Variants in BCS1L observed in about 807,000 individuals in gnomAD.
The protein encoded by BCS1L is BCS1 ubiquinol-cytochrome c reductase complex chaperone.
In BCS1L, 38 loss-of-function variants were observed where a neutral mutation model predicts 49.3. That is an observed-to-expected ratio of 0.77 (90% CI 0.59 to 1.01). The LOEUF (loss-of-function observed/expected upper bound fraction) is 1.01. Ranked by LOEUF, BCS1L falls within the 50% of genes least tolerant of loss-of-function variation. BCS1L has a pLI of 0.00. For missense variants in BCS1L, 394 were observed against 540.2 expected (o/e 0.73, Z 2.68); for synonymous variants, 193 against 210.1 (o/e 0.92, Z 0.70).
intron 1 of BCS1L, 110 bp from the exon 2 acceptor site, chr2:218,660,829 C>T (rs1939296326): frequency 1.3e-6 from 1 of 744,884 alleles, no homozygotes; most frequent in East Asian, 2.7e-5. Flanking sequence ...ACCCTTACCC[C>T]ACAAAAGGAG....
Position 218,659,748 on chromosome 2 carries a change from G to C in BCS1L, c.-50+5G>C, listed in dbSNP as rs1939106339. ...GAGGGCCAGAGAGTCACGGCGGTGAGAGGGCTGAGTGACGGGTTACCCCAA... is the reference window on the plus strand; with the variant it reads ...GAGGGCCAGAGAGTCACGGCGGTGACAGGGCTGAGTGACGGGTTACCCCAA... On this transcript the variant is annotated splice_donor_5th_base_variant and intron_variant, in intron 1 of 7. Transcript: ENST00000359273. The surrounding 1 kb of genome is among the most constrained non-coding windows in gnomAD (Gnocchi z 4.4). 6.6e-6 allele frequency: 1 copy of C among 152,286 alleles called. No individual in the cohort carries two copies. The allele number at this position is 152,286 out of a possible 1,614,324, so 9.4% of individuals were successfully genotyped here. A position where few individuals can be genotyped will look rare whatever the true frequency, so the allele number is the denominator to read the frequency against.
rs759535937 is a variant in BCS1L at position 218,663,340 on chromosome 2, A to G, written c.1214A>G (p.Asn405Ser). 3.1e-6 allele frequency: 5 copies of G among 1,614,194 alleles called. No individual in the cohort carries two copies. The South Asian group carries it at 4.4e-5, about 14-fold the overall frequency. ...QVQGYFMLYK[N>S]DPVGAIHNAE... ...CAGGGCTACTTCATGCTGTATAAAA[A>G]TGACCCTGTAGGGGCAATTCACAAT... Residue 405 changes from asparagine to serine, a missense_variant, in exon 8 of 8, where the codon AAT becomes AGT. Coordinates refer to ENST00000359273, the MANE Select transcript of BCS1L (RefSeq NM_001079866.2).
Position 218,661,839 on chromosome 2 carries a change from T to A in BCS1L, c.541T>A (p.Tyr181Asn). 1 of 1,614,240 alleles carries A rather than the reference T, an allele frequency of 6.2e-7. No homozygotes were observed. Among genetic ancestry groups the A allele is most frequent in the Non-Finnish European group, 8.5e-7 (1 of 1,180,042 alleles). ...GGGCTCTGAATGGCGTCCCTTTGGC[T>A]ATCCACGCCGCCGGCGACCACTGAA... The part of the protein sequence containing the change: ...AVGSEWRPFG[Y>N]PRRRRPLNSV... The change falls in exon 4 of 8, where the codon TAT becomes AAT. Residue 181 changes from tyrosine to asparagine, a missense_variant. Transcript: ENST00000359273. This position sits in a 1 kb window ranked among gnomAD's most constrained non-coding sequence, Gnocchi z 5.9.
At position 218,662,435 on chromosome 2, in the gene BCS1L, C is replaced by T. The variant is rs757662723; in HGVS notation, c.720-75C>T. On this transcript the variant is annotated intron_variant, in intron 5 of 7. Coordinates refer to ENST00000359273, the MANE Select transcript of BCS1L (RefSeq NM_001079866.2). This position sits in a 1 kb window ranked among gnomAD's most constrained non-coding sequence, Gnocchi z 5.8. ...GGCCTCTGAGACACATGTCCCCAGG[C>T]GGTGAGGAGAGTAGCTGGGCCTGAG... 1.7e-5 allele frequency: 27 copies of T among 1,585,994 alleles called. No homozygotes were observed. The highest frequency in any genetic ancestry group is 4.0e-5 in the African/African-American group (3 of 74,330).
chr2:218,661,583 C>G lies in BCS1L; in HGVS notation c.460+38C>G. 1 of 1,612,484 alleles carries G rather than the reference C, an allele frequency of 6.2e-7. No individual in the cohort carries two copies. The highest frequency in any genetic ancestry group is 1.3e-5 in the African/African-American group (1 of 74,982). ...ACAGGCAGGCTTTCTAGGGACATTGCAGGGATGGGGACATTTGACATCAGA... is the reference window on the plus strand; with the variant it reads ...ACAGGCAGGCTTTCTAGGGACATTGGAGGGATGGGGACATTTGACATCAGA... On this transcript the variant is annotated intron_variant, in intron 3 of 7. Coordinates refer to ENST00000359273, the MANE Select transcript of BCS1L (RefSeq NM_001079866.2). This position sits in a 1 kb window ranked among gnomAD's most constrained non-coding sequence, Gnocchi z 5.9.
Position 218,661,323 on chromosome 2 carries a change from A to G in BCS1L, c.320+16A>G. 6.2e-7 allele frequency: 1 copy of G among 1,614,180 alleles called. No homozygotes were observed. The highest frequency in any genetic ancestry group is 8.5e-7 in the Non-Finnish European group (1 of 1,180,012). On this transcript the variant is annotated intron_variant, in intron 2 of 7. Coordinates refer to ENST00000359273, the MANE Select transcript of BCS1L (RefSeq NM_001079866.2). This position sits in a 1 kb window ranked among gnomAD's most constrained non-coding sequence, Gnocchi z 5.9. Reference sequence around the variant, plus strand: ...ATTTTATCTGGTAAGGTGGGGAGCTAGGGAGGGCTGTGAGAGTAGAAAAGA... The same window carrying G: ...ATTTTATCTGGTAAGGTGGGGAGCTGGGGAGGGCTGTGAGAGTAGAAAAGA...
Position 218,662,707 on chromosome 2 carries a change from A to G in BCS1L, c.889+28A>G, listed in dbSNP as rs920238469. The G allele has an allele frequency of 6.2e-7, 1 of 1,613,886 alleles. No individual in the cohort carries two copies. The highest frequency in any genetic ancestry group is 1.7e-4 in the Middle Eastern group (1 of 6,050). On this transcript the variant is annotated intron_variant, in intron 6 of 7. Transcript: ENST00000359273. The surrounding 1 kb of genome is among the most constrained non-coding windows in gnomAD (Gnocchi z 5.8). ...AAGTGAGGGGTTCTGGAGGAAGTGG[A>G]GTGGGTAACTGTGGAACAGGGGAAG...
rs2303561 is a variant in BCS1L, at chr2:218,662,282, C to T, written c.719+22C>T. ...TTATGTGAGTATTCAAAATTTCTCTCAACTTGGCAAAACGAAGCCTTTGTG... is the reference window on the plus strand; with the variant it reads ...TTATGTGAGTATTCAAAATTTCTCTTAACTTGGCAAAACGAAGCCTTTGTG... On this transcript the variant is annotated intron_variant, in intron 5 of 7. Transcript: ENST00000359273. This position sits in a 1 kb window ranked among gnomAD's most constrained non-coding sequence, Gnocchi z 5.8. The T allele has an allele frequency of 0.43, 698,245 of 1,608,734 alleles. 161,229 individuals are homozygous for T. Among genetic ancestry groups the T allele is most frequent in the African/African-American group, 0.86 (64,476 of 74,824 alleles).
At position 218,661,256 on chromosome 2, in the gene BCS1L, G is replaced by T. The variant is rs747956412; in HGVS notation, c.269G>T (p.Arg90Leu). ...TCGTACCTTCAGCATGAGAGTGGCC[G>T]CATTTCCACTAAGTTTGAATTTGTC... is the stretch of plus-strand genomic sequence containing the variant. Reference protein sequence around the residue: ...ETSYLQHESGRISTKFEFVPS... With the variant: ...ETSYLQHESGLISTKFEFVPS... The change falls in exon 2 of 8, where the codon CGC becomes CTC. Residue 90 changes from arginine to leucine, a missense_variant. Transcript: ENST00000359273. This position sits in a 1 kb window ranked among gnomAD's most constrained non-coding sequence, Gnocchi z 5.9. The T allele has an allele frequency of 6.2e-7, 1 of 1,614,196 alleles. No homozygotes were observed.
At position 218,661,552 on chromosome 2, in the gene BCS1L, G is replaced by A. The variant is rs1559316880; in HGVS notation, c.460+7G>A. The stretch of plus-strand genomic sequence containing the variant: ...TTCAACATCCTGGAGGAAGGTGTGG[G>A]ATGGCACAGGCAGGCTTTCTAGGGA... On this transcript the variant is annotated splice_region_variant and intron_variant, in intron 3 of 7. Transcript: ENST00000359273. The surrounding 1 kb of genome is among the most constrained non-coding windows in gnomAD (Gnocchi z 5.9). 1.2e-6 allele frequency: 2 copies of A among 1,614,114 alleles called. No homozygotes were observed. Among genetic ancestry groups the A allele is most frequent in the African/African-American group, 2.7e-5 (2 of 75,042 alleles).
Position 218,661,615 on chromosome 2 carries a change from G to A in BCS1L, c.460+70G>A. 1 of 1,601,040 alleles carries A rather than the reference G, an allele frequency of 6.2e-7. No individual in the cohort carries two copies. The highest frequency in any genetic ancestry group is 1.1e-5 in the South Asian group (1 of 89,752). On this transcript the variant is annotated intron_variant, in intron 3 of 7. Coordinates refer to ENST00000359273, the MANE Select transcript of BCS1L (RefSeq NM_001079866.2). This position sits in a 1 kb window ranked among gnomAD's most constrained non-coding sequence, Gnocchi z 5.9. ...GGGGACATTTGACATCAGATGAGCA[G>A]TTTGGAGAAGTGGAATAAGCAGGCC... is the stretch of plus-strand genomic sequence containing the variant.
rs1023637711 is a variant in BCS1L, at chr2:218,659,969, G to A, written c.-50+226G>A. 7.9e-5 allele frequency: 12 copies of A among 152,278 alleles called. No individual in the cohort carries two copies. Among genetic ancestry groups the A allele is most frequent in the African/African-American group, 2.7e-4 (11 of 41,432 alleles). 9.4% of individuals were successfully genotyped at this position (152,278 alleles called of 1,614,324 possible). On this transcript the variant is annotated intron_variant, in intron 1 of 7. Transcript: ENST00000359273. This position sits in a 1 kb window ranked among gnomAD's most constrained non-coding sequence, Gnocchi z 4.4. The stretch of plus-strand genomic sequence containing the variant: ...TCACCTCCCTGCATGCCAGGCGCAG[G>A]GCAAAGTGGCCGGGGTTCGGGGTTG...
Position 218,662,569 on chromosome 2 carries a change from G to A in BCS1L, c.779G>A (p.Ser260Asn). 8.7e-6 allele frequency: 14 copies of A among 1,614,186 alleles called. No individual in the cohort carries two copies. The highest frequency in any genetic ancestry group is 1.2e-5 in the Non-Finnish European group (14 of 1,180,050). ...TGCCTGCTGAGCCTCACGGACTCCA[G>A]CCTCTCTGATGACCGACTCAACCAC... The part of the protein sequence containing the change: ...SICLLSLTDS[S>N]LSDDRLNHLL... The change falls in exon 6 of 8, where the codon AGC becomes AAC. Residue 260 changes from serine (S) to asparagine (N), a missense_variant. Physicochemically the swap from Ser to Asn is conservative, Grantham distance 46. Transcript: ENST00000359273. This position sits in a 1 kb window ranked among gnomAD's most constrained non-coding sequence, Gnocchi z 5.8.
chr2:218,661,576 G>T lies in BCS1L; in HGVS notation c.460+31G>T. The T allele has an allele frequency of 6.2e-7, 1 of 1,613,428 alleles. No individual in the cohort carries two copies. The highest frequency in any genetic ancestry group is 1.1e-5 in the South Asian group (1 of 91,004). ...GGATGGCACAGGCAGGCTTTCTAGG[G>T]ACATTGCAGGGATGGGGACATTTGA... On this transcript the variant is annotated intron_variant, in intron 3 of 7. Coordinates refer to ENST00000359273, the MANE Select transcript of BCS1L (RefSeq NM_001079866.2). The surrounding 1 kb of genome is among the most constrained non-coding windows in gnomAD (Gnocchi z 5.9).
In BCS1L at chr2:218,661,516, G is replaced by A. The variant is rs386833857; in HGVS notation, c.431G>A (p.Arg144Gln). ...SVTFTALGTD[R>Q]KVFFNILEEA... ...ACCTTCACGGCCCTGGGCACTGACC[G>A]AAAGGTTTTCTTCAACATCCTGGAG... Residue 144 changes from arginine to glutamine, a missense_variant, in exon 3 of 8, where the codon CGA (arginine) becomes CAA (glutamine). Physicochemically the swap from Arg to Gln is conservative, Grantham distance 43. Coordinates refer to ENST00000359273, the MANE Select transcript of BCS1L (RefSeq NM_001079866.2). This position sits in a 1 kb window ranked among gnomAD's most constrained non-coding sequence, Gnocchi z 5.9. The A allele has an allele frequency of 5.6e-6, 9 of 1,614,100 alleles. No individual in the cohort carries two copies. The highest frequency in any genetic ancestry group is 2.2e-5 in the South Asian group (2 of 91,090).
chr2:218,663,096 G>A (rs1358702636), intron 7 of BCS1L, 38 bp from the exon 8 acceptor site: 1 of 1,614,166 alleles, frequency 6.2e-7, no homozygotes, highest in Admixed American at 1.7e-5. Context: ...CATCTCTGTT[G>A]GGTGCTAGTG....
At position 218,662,253 on chromosome 2, in the gene BCS1L, A is replaced by T. The variant is rs1459378570; in HGVS notation, c.712A>T (p.Ser238Cys). The T allele has an allele frequency of 6.2e-7, 1 of 1,613,984 alleles. No individual in the cohort carries two copies. ...TGGGCCCCCTGGTTGCGGAAAGAGCAGTTTTATGTGAGTATTCAAAATTTC... is the reference window on the plus strand; with the variant it reads ...TGGGCCCCCTGGTTGCGGAAAGAGCTGTTTTATGTGAGTATTCAAAATTTC... ...LYGPPGCGKS[S>C]FITALAGELE... Residue 238 changes from serine to cysteine, a missense_variant, in exon 5 of 8, where the codon AGT becomes TGT. Transcript: ENST00000359273. This position sits in a 1 kb window ranked among gnomAD's most constrained non-coding sequence, Gnocchi z 5.8.
chr2:218,662,386 C>T lies in BCS1L; in HGVS notation c.720-124C>T, dbSNP rs1939566137. On this transcript the variant is annotated intron_variant, in intron 5 of 7. Transcript: ENST00000359273. The surrounding 1 kb of genome is among the most constrained non-coding windows in gnomAD (Gnocchi z 5.8). ...CAGGATAAACATGAAACGTGTGGAACATCAGGGTGTGAGGTAGAAGTCAGG... is the reference window on the plus strand; with the variant it reads ...CAGGATAAACATGAAACGTGTGGAATATCAGGGTGTGAGGTAGAAGTCAGG... The T allele has an allele frequency of 1.3e-6, 2 of 1,483,086 alleles. No individual in the cohort carries two copies. The highest frequency in any genetic ancestry group is 4.5e-5 in the East Asian group (2 of 44,266). The allele number at this position is 1,483,086 out of a possible 1,614,324, so 91.9% of individuals were successfully genotyped here. A position where few individuals can be genotyped will look rare whatever the true frequency, so the allele number is the denominator to read the frequency against.
In BCS1L at chr2:218,661,086, G is replaced by A. The variant is rs1575105094; in HGVS notation, c.99G>A (p.Arg33=). The A allele has an allele frequency of 2.5e-6, 4 of 1,614,218 alleles. No homozygotes were observed. In the East Asian group the frequency reaches 6.7e-5, roughly 27 times the overall value. ...VGVGTALALA[R]KGVQLGLVAF... ...TGGGCACAGCCCTGGCCCTGGCCCG[G>A]AAGGGTGTCCAACTGGGCCTGGTGG... Residue 33 remains arginine (R), a synonymous_variant, in exon 2 of 8, where the codon CGG becomes CGA. Transcript: ENST00000359273. The surrounding 1 kb of genome is among the most constrained non-coding windows in gnomAD (Gnocchi z 5.9).
Sources: allele counts gnomAD v4.1 joint callset, GRCh38; gene constraint gnomAD v4.1.1; non-coding constraint Gnocchi (gnomAD v3.1); transcripts MANE v1.5; gene names NCBI Gene and HGNC (gene_info 2026-07-23, HGNC 2026-07-21).